RTN1: variants seen among roughly 807,000 people sequenced by gnomAD.
RTN1 encodes the protein reticulon 1.
RTN1 carries 25 observed loss-of-function variants against 65.5 expected under a neutral mutation model. The ratio of observed to expected loss-of-function variants is 0.38; its 90% CI spans 0.28 to 0.53. RTN1 has a LOEUF of 0.53. Ranked by LOEUF, RTN1 falls within the 20% of genes least tolerant of loss-of-function variation. RTN1 has a pLI of 0.79. For synonymous variants in RTN1, 471 were observed against 447.6 expected, an observed-to-expected ratio of 1.05 and a Z score of -0.66; for missense variants, 983 against 1,025.4, an observed-to-expected ratio of 0.96 and a Z score of 0.57.
At chr14:59,828,391 C>T (rs1344861365) in intron 1 of RTN1, among the ~76,000 whole-genome samples, 4 of 152,174 alleles carry the variant, frequency 2.6e-5, no homozygotes, top group Non-Finnish European at 5.9e-5. Flanking sequence ...TGTTCAGTCC[C>T]TAGAGTGCTG....
intron 2 of RTN1, among the ~76,000 whole-genome samples, chr14:59,744,129 C>G: frequency 6.6e-6 from 1 of 152,168 alleles, no homozygotes; most frequent in East Asian, 1.9e-4. Context: ...GAGGAACTTT[C>G]ATTAATTCTG....
chr14:59,633,128 G>A (rs185403888), intron 3 of RTN1, among the ~76,000 whole-genome samples: 2 of 152,228 alleles, frequency 1.3e-5, no homozygotes. Context: ...ATGTCAGCTT[G>A]GCTGAAAGAT....
chr14:59,621,608 G>T (rs1882255093), intron 3 of RTN1, among the ~76,000 whole-genome samples: 1 of 152,148 alleles, frequency 6.6e-6, no homozygotes. Flanking sequence ...TCAAACCAGT[G>T]CTCCCCTTAT....
intron 1 of RTN1, among the ~76,000 whole-genome samples, chr14:59,862,099 A>G (rs185314005): frequency 2.0e-5 from 3 of 152,118 alleles, no homozygotes; most frequent in Non-Finnish European, 2.9e-5. Context: ...AAAATTCCCA[A>G]CCCCCACCAT....
intron 3 of RTN1, among the ~76,000 whole-genome samples, chr14:59,687,727 C>T (rs1883876874): frequency 6.6e-6 from 1 of 151,924 alleles, no homozygotes; most frequent in African/African-American, 2.4e-5. Context: ...GGATTAGCAT[C>T]CTGACCCATT....
At chr14:59,833,169 T>C (rs1283912085) in intron 1 of RTN1, among the ~76,000 whole-genome samples, 1 of 152,174 alleles carries the variant, frequency 6.6e-6, no homozygotes, top group Non-Finnish European at 1.5e-5. Flanking sequence ...GTCTGGAAAG[T>C]AATATGACAA....
chr14:59,695,391 G>A (rs572610945), intron 3 of RTN1, among the ~76,000 whole-genome samples: 3 of 152,310 alleles, frequency 2.0e-5, no homozygotes, highest in Admixed American at 6.5e-5. Context: ...GAGGGAACAC[G>A]ATGTTCACTT....
chr14:59,672,222 A>G (rs1883521373), intron 3 of RTN1, among the ~76,000 whole-genome samples: 2 of 152,148 alleles, frequency 1.3e-5, no homozygotes, highest in African/African-American at 4.8e-5. Flanking sequence ...CTCACAACAC[A>G]TATGTAAATA....
intron 1 of RTN1, among the ~76,000 whole-genome samples, chr14:59,813,180 T>G (rs1203647593): frequency 6.6e-6 from 1 of 152,048 alleles, no homozygotes; most frequent in Non-Finnish European, 1.5e-5. Flanking sequence ...ATTTTGAAAA[T>G]GAACAGTTGG....
At chr14:59,857,527 C>T (rs1887629773) in intron 1 of RTN1, among the ~76,000 whole-genome samples, 1 of 152,130 alleles carries the variant, frequency 6.6e-6, no homozygotes, top group Non-Finnish European at 1.5e-5. Flanking sequence ...TTCCTCCCCT[C>T]GTCCCCAGAT....
intron 3 of RTN1, among the ~76,000 whole-genome samples, chr14:59,617,601 C>G (rs1022889420): frequency 2.0e-5 from 3 of 152,126 alleles, no homozygotes; most frequent in African/African-American, 7.2e-5. Flanking sequence ...CTATACTACA[C>G]TGTTGTTAGC....
At chr14:59,854,689 A>C (rs929638125) in intron 1 of RTN1, among the ~76,000 whole-genome samples, 2 of 152,080 alleles carry the variant, frequency 1.3e-5, no homozygotes, top group Non-Finnish European at 2.9e-5. Context: ...GAAAAGCCTA[A>C]AATAGGCAAC....
intron 1 of RTN1, among the ~76,000 whole-genome samples, chr14:59,815,835 A>T (rs755261971): frequency 2.0e-4 from 31 of 151,892 alleles, no homozygotes; most frequent in Non-Finnish European, 3.5e-4. Flanking sequence ...ACTGATTCCC[A>T]TCCCTTGAAG....
intron 3 of RTN1, among the ~76,000 whole-genome samples, chr14:59,617,494 G>A (rs1200387923): frequency 6.6e-6 from 1 of 152,174 alleles, no homozygotes; most frequent in Non-Finnish European, 1.5e-5. Flanking sequence ...GCCAAGTACA[G>A]TAAGAGTAAA....
intron 2 of RTN1, among the ~76,000 whole-genome samples, chr14:59,736,655 G>A (rs1291633478): frequency 6.6e-6 from 1 of 152,032 alleles, no homozygotes; most frequent in Non-Finnish European, 1.5e-5. Flanking sequence ...GAAAAGGAGG[G>A]ACTCCTCCCT....
At chr14:59,759,447 T>C (rs1184240684) in intron 1 of RTN1, among the ~76,000 whole-genome samples, 2 of 152,162 alleles carry the variant, frequency 1.3e-5, no homozygotes, top group African/African-American at 2.4e-5. Flanking sequence ...CAAAGAATTA[T>C]TCTGAAGACT....
intron 1 of RTN1, among the ~76,000 whole-genome samples, chr14:59,860,737 T>C (rs1376800526): frequency 6.6e-6 from 1 of 152,078 alleles, no homozygotes; most frequent in Non-Finnish European, 1.5e-5. Flanking sequence ...CAGTGTGACC[T>C]GGTTGCCCAA....
In RTN1 at chr14:59,603,935, G is replaced by A; in HGVS notation, c.2113-14C>T. Reference sequence around the variant, plus strand: ...CAGGACTGCAAACTGAAGAACGAAAGCATTATTAGAGCTCCTAAAACCCTT... The same window carrying A: ...CAGGACTGCAAACTGAAGAACGAAAACATTATTAGAGCTCCTAAAACCCTT... On this transcript the variant is annotated splice_polypyrimidine_tract_variant and intron_variant, in intron 5 of 8. Transcript: ENST00000267484. The A allele has an allele frequency of 6.2e-7, 1 of 1,607,614 alleles. No homozygotes were observed. The highest frequency in any genetic ancestry group is 8.5e-7 in the Non-Finnish European group (1 of 1,175,094).
At chr14:59,681,617 G>A (rs1365353331) in intron 3 of RTN1, among the ~76,000 whole-genome samples, 2 of 152,112 alleles carry the variant, frequency 1.3e-5, no homozygotes, top group African/African-American at 2.4e-5. Flanking sequence ...CACCAGCTCT[G>A]AATCTCCAGC....
Sources: gnomAD v4.1 joint callset for allele counts (sites outside exome capture counted in the v4.1 genomes callset) on GRCh38, gnomAD v4.1.1 for gene constraint, MANE v1.5 for transcripts, NCBI Gene and HGNC (gene_info 2026-07-23, HGNC 2026-07-21) for gene names.